The following TAOK1 variants were observed in gnomAD, a reference collection of about 807,000 sequenced individuals.
The protein encoded by TAOK1 is TAO kinase 1.
TAOK1 carries 21 observed loss-of-function variants against 138.3 expected under a neutral mutation model. That is an observed-to-expected ratio of 0.15 (90% CI 0.11 to 0.22). TAOK1 has a LOEUF of 0.22. Ranked by LOEUF, TAOK1 falls within the 10% of genes least tolerant of loss-of-function variation. The pLI, the probability that TAOK1 is intolerant of heterozygous loss-of-function variation, is 1.00. For missense variants in TAOK1, 651 were observed against 1,227.7 expected (o/e 0.53, Z 7.02); for synonymous variants, 361 against 398.4 (o/e 0.91, Z 1.12).
At chr17:29,400,904 CT>C (rs10539936) in intron 1 of TAOK1, among the ~76,000 whole-genome samples, 15,748 of 105,156 alleles carry the variant, frequency 0.15, 671 homozygotes, top group Non-Finnish European at 0.16. Flanking sequence ...TTGTTTGCCT[CT>C]TTTTTTTTTT....
chr17:29,490,538 G>T (rs2031277383), intron 9 of TAOK1, among the ~76,000 whole-genome samples: 1 of 152,076 alleles, frequency 6.6e-6, no homozygotes, highest in South Asian at 2.1e-4. Context: ...ATAAGTCTTT[G>T]CCACTTAAGA....
At chr17:29,485,658 TTAAAA>T (rs2031157717) in intron 8 of TAOK1, among the ~76,000 whole-genome samples, 1 of 144,970 alleles carries the variant, frequency 6.9e-6, no homozygotes, top group Admixed American at 7.0e-5. Flanking sequence ...ATTAATTAAA[TTAAAA>T]TAAAACAGGA....
chr17:29,510,889 A>G lies in TAOK1; in HGVS notation c.1601A>G (p.Lys534Arg), dbSNP rs746628917. The change falls in exon 15 of 20, where the codon AAA becomes AGA. Residue 534 changes from lysine to arginine, a missense_variant. Lys to Arg is a conservative substitution (Grantham distance 26). Around this residue, in one of 8 missense-constraint regions of TAOK1, gnomAD observed 258 missense variants for 548.9 expected, o/e 0.47. Coordinates refer to ENST00000261716, the MANE Select transcript of TAOK1 (RefSeq NM_020791.4). Reference protein sequence around the residue: ...KEAKVMSNEEKKFQQHIQAQQ... With the variant: ...KEAKVMSNEERKFQQHIQAQQ... ...GCTAAAGTGATGTCCAATGAAGAGA[A>G]AAAATTTCAGCAACATATTCAGGCC... 13 of 1,604,716 alleles carry G rather than the reference A, an allele frequency of 8.1e-6. No homozygotes were observed. The highest frequency in any genetic ancestry group is 5.1e-6 in the Non-Finnish European group (6 of 1,176,442).
chr17:29,460,198 T>C (rs2030499318), intron 2 of TAOK1, among the ~76,000 whole-genome samples: 2 of 152,198 alleles, frequency 1.3e-5, no homozygotes, highest in South Asian at 4.1e-4. Context: ...TTGTCAGTAG[T>C]CTTTTTTTTC....
intron 19 of TAOK1, among the ~76,000 whole-genome samples, chr17:29,539,083 C>A (rs1029651961): frequency 1.3e-5 from 2 of 151,988 alleles, no homozygotes; most frequent in Non-Finnish European, 2.9e-5. Flanking sequence ...CATGATGAAA[C>A]CCCGTCTCTA....
chr17:29,406,472 G>GTGGCT, intron 1 of TAOK1, among the ~76,000 whole-genome samples: 1 of 152,146 alleles, frequency 6.6e-6, no homozygotes, highest in South Asian at 2.1e-4. Flanking sequence ...TGTGATTTGG[G>GTGGCT]ATGGGTATTT....
intron 1 of TAOK1, among the ~76,000 whole-genome samples, chr17:29,434,977 A>G (rs1905980854): frequency 6.6e-6 from 1 of 152,184 alleles, no homozygotes; most frequent in South Asian, 2.1e-4. Context: ...GTCTTGTGAC[A>G]CACCCAGATA....
chr17:29,492,422 A>C (rs530583019), intron 10 of TAOK1, among the ~76,000 whole-genome samples: 2 of 152,358 alleles, frequency 1.3e-5, no homozygotes, highest in Non-Finnish European at 2.9e-5. Context: ...ATAGCTCAAT[A>C]CTTAATATGT....
chr17:29,527,326 G>C (rs2032028676), intron 17 of TAOK1, among the ~76,000 whole-genome samples: 1 of 152,074 alleles, frequency 6.6e-6, no homozygotes, highest in Non-Finnish European at 1.5e-5. Flanking sequence ...GCCAGGCGTG[G>C]TGGTAGCTCA....
At chr17:29,404,230 A>G (rs1214885792) in intron 1 of TAOK1, 1 of 152,270 alleles carries the variant, frequency 6.6e-6, no homozygotes, top group Non-Finnish European at 1.5e-5. Context: ...TGGTAGGATC[A>G]CAGCTCACTG....
intron 1 of TAOK1, among the ~76,000 whole-genome samples, chr17:29,410,487 A>G (rs1191916991): frequency 6.6e-6 from 1 of 151,850 alleles, no homozygotes; most frequent in Admixed American, 6.6e-5. Flanking sequence ...CCCTGACCTC[A>G]GGTGATCCGC....
intron 1 of TAOK1, among the ~76,000 whole-genome samples, chr17:29,417,892 CTCTT>C (rs747524769): frequency 4.6e-5 from 7 of 152,054 alleles, no homozygotes; most frequent in African/African-American, 7.2e-5. Context: ...TCTCTTCTCT[CTCTT>C]TCTTTTTCTT....
At chr17:29,508,202 G>T in intron 14 of TAOK1, 70 bp downstream of exon 14, 1 of 1,341,660 alleles carries the variant, frequency 7.5e-7, no homozygotes, top group Non-Finnish European at 1.1e-6. Context: ...CAACATGGCA[G>T]TTTGATGTTA....
At chr17:29,505,574 C>T (rs986807075) in intron 13 of TAOK1, among the ~76,000 whole-genome samples, 3 of 151,468 alleles carry the variant, frequency 2.0e-5, no homozygotes, top group Non-Finnish European at 2.9e-5. Flanking sequence ...TGATGGCAGG[C>T]GCCTGTAATC....
intron 2 of TAOK1, among the ~76,000 whole-genome samples, chr17:29,455,243 T>C (rs571943714): frequency 6.6e-6 from 1 of 150,450 alleles, no homozygotes; most frequent in South Asian, 2.1e-4. Context: ...TAGATGCTAG[T>C]GTAAGTGGAA....
At chr17:29,479,442 A>T (rs1293091853) in intron 6 of TAOK1, among the ~76,000 whole-genome samples, 2 of 152,130 alleles carry the variant, frequency 1.3e-5, no homozygotes, top group Non-Finnish European at 2.9e-5. Flanking sequence ...AGTGAGTTTT[A>T]AACTATATAA....
At chr17:29,399,681 G>A (rs747430267) in intron 1 of TAOK1, among the ~76,000 whole-genome samples, 1 of 152,154 alleles carries the variant, frequency 6.6e-6, no homozygotes, top group Non-Finnish European at 1.5e-5. Context: ...TATCAAGGTA[G>A]CTTAGTAACT....
rs2032390293 is a variant in TAOK1, at chr17:29,545,648, A to C, written c.*2626A>C. On this transcript the variant is annotated 3_prime_UTR_variant, in exon 20 of 20. Transcript: ENST00000261716. The stretch of plus-strand genomic sequence containing the variant: ...ATGATTCAAATTAATTGGTTTGTAT[A>C]TGTTTGTGAGATCTAGCTTCTGAGG... 6.6e-6 allele frequency: 1 copy of C among 152,180 alleles called. No homozygotes were observed. The highest frequency in any genetic ancestry group is 6.5e-5 in the Admixed American group (1 of 15,274). The allele number at this position is 152,180 out of a possible 1,614,324, so 9.4% of individuals were successfully genotyped here.
intron 1 of TAOK1, among the ~76,000 whole-genome samples, chr17:29,413,846 G>C (rs1042287254): frequency 8.0e-5 from 12 of 150,096 alleles, no homozygotes; most frequent in Admixed American, 5.3e-4. Flanking sequence ...CATAAAAAAG[G>C]AATCGTACAA....
Sources: gnomAD v4.1 joint callset for allele counts (sites outside exome capture counted in the v4.1 genomes callset) on GRCh38, gnomAD v4.1.1 for gene constraint, gnomAD v4.1.1 regional missense constraint, MANE v1.5 for transcripts, NCBI Gene and HGNC (gene_info 2026-07-23, HGNC 2026-07-21) for gene names.